Variants in POT1 observed in about 807,000 individuals in gnomAD.
The protein encoded by POT1 is protection of telomeres 1.
A neutral mutation model predicts 78.5 loss-of-function variants in POT1; 47 were observed. The observed-to-expected ratio is 0.60, with a 90% CI of 0.47 to 0.76. The LOEUF (loss-of-function observed/expected upper bound fraction) is 0.76, where lower values mean the gene tolerates loss of function less well. POT1 is among the 30% of genes least tolerant of loss of function. The pLI is 0.00. For synonymous variants in POT1, 259 were observed against 260.7 expected (o/e 0.99, Z 0.06); for missense variants, 646 against 749.9 (o/e 0.86, Z 1.62).
At chr7:124,859,247 T>C in intron 8 of POT1, 135 bp from the exon 9 acceptor site, 1 of 549,896 alleles carries the variant, frequency 1.8e-6, no homozygotes, top group South Asian at 5.2e-5. Flanking sequence ...AAATATGACA[T>C]TATTTTCTGA....
intron 12 of POT1, among the ~76,000 whole-genome samples, chr7:124,844,762 T>G (rs1449017815): frequency 6.8e-6 from 1 of 147,044 alleles, no homozygotes; most frequent in African/African-American, 2.5e-5. Context: ...AAAAGGCCAT[T>G]GGCAGACCTG....
At chr7:124,866,907 G>A (rs991757166) in intron 7 of POT1, among the ~76,000 whole-genome samples, 5 of 152,108 alleles carry the variant, frequency 3.3e-5, no homozygotes, top group Admixed American at 6.5e-5. Flanking sequence ...ACAACTGATC[G>A]ATTACCTAAC....
At chr7:124,883,214 C>T (rs1428311240) in intron 6 of POT1, among the ~76,000 whole-genome samples, 1 of 152,000 alleles carries the variant, frequency 6.6e-6, no homozygotes, top group Non-Finnish European at 1.5e-5. Context: ...TAACAGGTAA[C>T]TCATCATTCA....
At chr7:124,877,566 G>A (rs986461863) in intron 6 of POT1, among the ~76,000 whole-genome samples, 1 of 151,760 alleles carries the variant, frequency 6.6e-6, no homozygotes, top group Non-Finnish European at 1.5e-5. Flanking sequence ...ACCGGTCGTG[G>A]GGGCTCACAC....
At chr7:124,834,555 C>T (rs541376552) in intron 15 of POT1, among the ~76,000 whole-genome samples, 3 of 151,698 alleles carry the variant, frequency 2.0e-5, no homozygotes, top group Non-Finnish European at 2.9e-5. Context: ...TACCATCTCA[C>T]GCCACTTAGA....
At chr7:124,877,702 G>A (rs1015593366) in intron 6 of POT1, among the ~76,000 whole-genome samples, 4 of 151,346 alleles carry the variant, frequency 2.6e-5, no homozygotes, top group African/African-American at 4.9e-5. Flanking sequence ...GCATGGTGGC[G>A]GGCGCCTGTA....
chr7:124,881,936 T>C (rs537210179), intron 6 of POT1, among the ~76,000 whole-genome samples: 24 of 152,146 alleles, frequency 1.6e-4, no homozygotes, highest in African/African-American at 5.3e-4. Context: ...TAATACTTCA[T>C]ATTTAAACTG....
At position 124,822,855 on chromosome 7, in the gene POT1, G is replaced by C. The variant is rs1375712984; in HGVS notation, c.*1107C>G. The C allele has an allele frequency of 5.5e-6, 1 of 181,536 alleles. No individual in the cohort carries two copies. Among genetic ancestry groups the C allele is most frequent in the East Asian group, 1.2e-4 (1 of 8,318 alleles). 11.2% of individuals were successfully genotyped at this position (181,536 alleles called of 1,614,324 possible). On this transcript the variant is annotated 3_prime_UTR_variant, in exon 19 of 19. Coordinates refer to ENST00000357628, the MANE Select transcript of POT1 (RefSeq NM_015450.3). ...TCTTTTTGACAATAAGATGTTAAAAGTATTTTGAAACTATAGAAAAACACA... is the reference window on the plus strand; with the variant it reads ...TCTTTTTGACAATAAGATGTTAAAACTATTTTGAAACTATAGAAAAACACA...
At chr7:124,904,501 T>C (rs1267653026) in intron 3 of POT1, among the ~76,000 whole-genome samples, 1 of 152,146 alleles carries the variant, frequency 6.6e-6, no homozygotes, top group East Asian at 1.9e-4. Flanking sequence ...TATCTCAAAA[T>C]AATAAGAGCT....
chr7:124,837,204 G>A, intron 14 of POT1: 1 of 308,414 alleles, frequency 3.2e-6, no homozygotes, highest in Non-Finnish European at 6.4e-6. Context: ...GATATATCCA[G>A]CTTACAGAAG....
At chr7:124,883,909 T>C (rs1056991599) in intron 6 of POT1, among the ~76,000 whole-genome samples, 14 of 151,608 alleles carry the variant, frequency 9.2e-5, no homozygotes, top group Non-Finnish European at 1.8e-4. Flanking sequence ...GGCTCCTAGG[T>C]CTTATGAAGT....
chr7:124,889,743 C>T (rs1431445413), intron 6 of POT1, among the ~76,000 whole-genome samples: 1 of 151,984 alleles, frequency 6.6e-6, no homozygotes, highest in Non-Finnish European at 1.5e-5. Context: ...AACAACAAAG[C>T]CTGGATGACA....
Position 124,827,259 on chromosome 7 carries a change from T to A in POT1, c.1641A>T (p.Thr547=). The change falls in exon 17 of 19, where the codon ACA becomes ACT. Residue 547 remains threonine (T), a synonymous_variant. Transcript: ENST00000357628. ...CTAGTACTCCTGTTCCATCATCAAGTGTAAAGGTCATAACAAACACATATT... is the reference window on the plus strand; with the variant it reads ...CTAGTACTCCTGTTCCATCATCAAGAGTAAAGGTCATAACAAACACATATT... The part of the protein sequence containing the change: ...PLQYVFVMTF[T]LDDGTGVLEA... 1 of 1,600,758 alleles carries A rather than the reference T, an allele frequency of 6.2e-7. No individual in the cohort carries two copies. The highest frequency in any genetic ancestry group is 8.5e-7 in the Non-Finnish European group (1 of 1,169,944).
Position 124,881,373 on chromosome 7 carries a change from T to C in POT1, c.125-10332A>G, listed in dbSNP as rs574524848. 1.6e-3 allele frequency among the ~76,000 whole-genome samples: 250 copies of C among 152,064 alleles called. 2 individuals are homozygous for C. Among genetic ancestry groups the C allele is most frequent in the Admixed American group, 0.013 (204 of 15,266 alleles). ...GTTGATCAAAATGTTATGTGGCACA[T>C]GACTGTACTTTATTTTTAATTTAAA... On this transcript the variant is annotated intron_variant, in intron 6 of 18. Coordinates refer to ENST00000357628, the MANE Select transcript of POT1 (RefSeq NM_015450.3).
chr7:124,871,127 A>C, intron 6 of POT1, 86 bp from the exon 7 acceptor site: 2 of 1,139,038 alleles, frequency 1.8e-6, no homozygotes, highest in Non-Finnish European at 2.4e-6. Context: ...AAAACACCAA[A>C]CCTTATTCTT....
In POT1 at chr7:124,874,257, C is replaced by T. The variant is rs1053153515; in HGVS notation, c.125-3216G>A. On this transcript the variant is annotated intron_variant, in intron 6 of 18. Transcript: ENST00000357628. ...GCCTAGTTGGAAGTTCTCATCCCAC[C>T]CACCCTAGGCTGAAAATTTCAATCA... Among the ~76,000 whole-genome samples the T allele has an allele frequency of 4.6e-5, 7 of 152,100 alleles. No individual in the cohort carries two copies. The South Asian group carries it at 8.3e-4, about 18-fold the overall frequency.
At position 124,823,371 on chromosome 7, in the gene POT1, G is replaced by A. The variant is rs1444290757; in HGVS notation, c.*591C>T. The A allele has an allele frequency of 1.3e-5, 2 of 151,704 alleles. No homozygotes were observed. Among genetic ancestry groups the A allele is most frequent in the Non-Finnish European group, 2.9e-5 (2 of 67,842 alleles). The allele number at this position is 151,704 out of a possible 1,614,324, so 9.4% of individuals were successfully genotyped here. On this transcript the variant is annotated 3_prime_UTR_variant, in exon 19 of 19. Coordinates refer to ENST00000357628, the MANE Select transcript of POT1 (RefSeq NM_015450.3). Reference sequence around the variant, plus strand: ...TATATATAAATGTTTGTATAAAATTGAATATTCATGATTTTAAATTTGACA... The same window carrying A: ...TATATATAAATGTTTGTATAAAATTAAATATTCATGATTTTAAATTTGACA...
chr7:124,860,918 C>G (rs903240088), intron 8 of POT1, among the ~76,000 whole-genome samples: 5 of 152,100 alleles, frequency 3.3e-5, no homozygotes, highest in African/African-American at 9.7e-5. Flanking sequence ...TCGTCCATGT[C>G]CTTGCAAAGG....
At chr7:124,890,774 T>C (rs1041093427) in intron 6 of POT1, among the ~76,000 whole-genome samples, 1 of 151,922 alleles carries the variant, frequency 6.6e-6, no homozygotes, top group Non-Finnish European at 1.5e-5. Context: ...AAAAACAGCA[T>C]GGAGTTTCCT....
Sources: allele counts gnomAD v4.1 joint callset (sites outside exome capture counted in the v4.1 genomes callset), GRCh38; gene constraint gnomAD v4.1.1; transcripts MANE v1.5; gene names NCBI Gene and HGNC (gene_info 2026-07-23, HGNC 2026-07-21).